The following DNAH6 variants were observed in gnomAD, a reference collection of about 807,000 sequenced individuals.
The protein encoded by DNAH6 is axonemal beta dynein heavy chain 6.
DNAH6 carries 340 observed loss-of-function variants against 491.4 expected under a neutral mutation model. The observed-to-expected ratio is 0.69, with a 90% CI of 0.63 to 0.76. The LOEUF is 0.76. DNAH6 is among the 30% of genes least tolerant of loss of function. DNAH6 has a pLI of 0.00. For missense variants in DNAH6, 4,443 were observed against 4,972.2 expected, an observed-to-expected ratio of 0.89 and a Z score of 3.20; for synonymous variants, 1,603 against 1,686.1, an observed-to-expected ratio of 0.95 and a Z score of 1.21.
chr2:84,641,876 C>T, intron 32 of DNAH6, 71 bp from the exon 33 acceptor site: 1 of 1,300,934 alleles, frequency 7.7e-7, no homozygotes, highest in Non-Finnish European at 1.1e-6. Flanking sequence ...TCTGCCCTCC[C>T]CACAGGTTTA....
At chr2:84,598,181 C>CTTTCTTTCTTTCTTT (rs1684860253) in intron 18 of DNAH6, among the ~76,000 whole-genome samples, 1 of 14,436 alleles carries the variant, frequency 6.9e-5, no homozygotes, top group Non-Finnish European at 1.9e-4. Context: ...CTTTCTTTCT[C>CTTTCTTTCTTTCTTT]TCTTTCTTTT....
chr2:84,553,055 A>T (rs1400303443), intron 10 of DNAH6, 21 bp downstream of exon 10: 10 of 1,398,916 alleles, frequency 7.1e-6, no homozygotes, highest in Non-Finnish European at 9.9e-6. Flanking sequence ...TTCATGTATT[A>T]TCCACATGCA....
chr2:84,806,066 T>G (rs1429362496), intron 71 of DNAH6, among the ~76,000 whole-genome samples: 1 of 152,222 alleles, frequency 6.6e-6, no homozygotes, highest in South Asian at 2.1e-4. Context: ...ATTATTCTAC[T>G]GTCTCTAGAC....
chr2:84,459,720 T>G, the DNAH6 span: 1 of 158,554 alleles, frequency 6.3e-6, no homozygotes. Context: ...GCCCATCTCC[T>G]TCCCCCTTCG....
intron 37 of DNAH6, among the ~76,000 whole-genome samples, chr2:84,665,442 C>G (rs1199745341): frequency 6.6e-6 from 1 of 152,122 alleles, no homozygotes; most frequent in African/African-American, 2.4e-5. Flanking sequence ...CACAGAAATA[C>G]AAACTACGAT....
chr2:84,573,864 T>C (rs80335348), intron 12 of DNAH6, among the ~76,000 whole-genome samples: 3,580 of 152,256 alleles, frequency 0.024, 58 homozygotes, highest in Middle Eastern at 0.092. Flanking sequence ...GTGCTAAGAG[T>C]ATATAGCCTG....
the DNAH6 span, among the ~76,000 whole-genome samples, chr2:84,499,186 A>C: frequency 0.84 from 127,514 of 151,926 alleles, 55,243 homozygotes; most frequent in East Asian, 0.99. Flanking sequence ...CCTCCCCACA[A>C]ACCCCCCACT....
At chr2:84,701,866 C>G (rs532955692) in intron 49 of DNAH6, among the ~76,000 whole-genome samples, 1 of 152,304 alleles carries the variant, frequency 6.6e-6, no homozygotes, top group Non-Finnish European at 1.5e-5. Flanking sequence ...CAGGCCCTCT[C>G]CATCATGACA....
intron 32 of DNAH6, among the ~76,000 whole-genome samples, chr2:84,641,260 C>A (rs1273482134): frequency 6.6e-6 from 1 of 152,202 alleles, no homozygotes; most frequent in Admixed American, 6.5e-5. Flanking sequence ...CATCCAGGAA[C>A]CCTCTGCCTG....
intron 64 of DNAH6, among the ~76,000 whole-genome samples, chr2:84,765,568 A>G (rs1675000461): frequency 6.6e-6 from 1 of 152,060 alleles, no homozygotes; most frequent in African/African-American, 2.4e-5. Context: ...TTTTAGGGGA[A>G]AAGACTAAAA....
At chr2:84,512,698 G>A (rs1675383193), upstream of DNAH6, among the ~76,000 whole-genome samples, 1 of 152,122 alleles carries the variant, frequency 6.6e-6, no homozygotes. Flanking sequence ...GTGAACATAT[G>A]TTTTAATTGT....
intron 15 of DNAH6, chr2:84,584,812 A>G (rs145204257): frequency 0.022 from 3,355 of 152,424 alleles, 52 homozygotes; most frequent in Middle Eastern, 0.1. Flanking sequence ...GTTTACCTGT[A>G]TAACAAACCT....
rs199861827 is a variant in DNAH6, at chr2:84,745,217, C to A, written c.10480C>A (p.Leu3494Ile). 872 of 1,522,868 alleles carry A rather than the reference C, an allele frequency of 5.7e-4. 1 individual carries two copies. Among genetic ancestry groups the A allele is most frequent in the Non-Finnish European group, 6.6e-4 (751 of 1,137,024 alleles). The allele number at this position is 1,522,868 out of a possible 1,614,324, so 94.3% of individuals were successfully genotyped here. A position where few individuals can be genotyped will look rare whatever the true frequency, so the allele number is the denominator to read the frequency against. ...TGCAGGATTGAGTTCTTTCCATAAG[C>A]TAATTCTTATTAAATGTTGTAAAGA... ...WSAGLSSFHK[L>I]ILIKCCKEEK... Residue 3494 changes from leucine to isoleucine, a missense_variant, in exon 63 of 77, where the codon CTA (leucine) becomes ATA (isoleucine). Physicochemically the swap from Leu to Ile is conservative, Grantham distance 5 (BLOSUM62 2). Transcript: ENST00000389394.
intron 71 of DNAH6, among the ~76,000 whole-genome samples, chr2:84,807,445 C>T (rs1480456857): frequency 6.6e-6 from 1 of 152,200 alleles, no homozygotes; most frequent in Admixed American, 6.5e-5. Context: ...CTACATTTTC[C>T]ATCCAGTTTG....
At chr2:84,516,058 G>A (rs928855280), upstream of DNAH6, among the ~76,000 whole-genome samples, 5 of 152,176 alleles carry the variant, frequency 3.3e-5, no homozygotes, top group African/African-American at 9.7e-5. Flanking sequence ...TCCTTGGAGA[G>A]TGGGACCTCA....
chr2:84,743,456 T>C (rs1672692666), intron 62 of DNAH6, among the ~76,000 whole-genome samples: 1 of 152,228 alleles, frequency 6.6e-6, no homozygotes, highest in African/African-American at 2.4e-5. Context: ...CTTCAGAAAC[T>C]TCCTAATTGC....
intron 29 of DNAH6, among the ~76,000 whole-genome samples, chr2:84,626,841 C>T (rs551105022): frequency 7.2e-5 from 11 of 152,244 alleles, no homozygotes; most frequent in African/African-American, 2.6e-4. Flanking sequence ...CTCCTGACCT[C>T]GTGATCCACC....
chr2:84,637,524 A>G, intron 31 of DNAH6, 147 bp downstream of exon 31: 1 of 986,260 alleles, frequency 1.0e-6, no homozygotes, highest in Non-Finnish European at 1.4e-6. Context: ...TATCACATGG[A>G]ATGTTAAGTT....
At chr2:84,759,604 A>G (rs1002355165) in intron 63 of DNAH6, among the ~76,000 whole-genome samples, 23 of 152,280 alleles carry the variant, frequency 1.5e-4, no homozygotes, top group African/African-American at 5.5e-4. Flanking sequence ...ACACTGAAGA[A>G]AGAAATTGTG....
Sources: allele counts gnomAD v4.1 joint callset (sites outside exome capture counted in the v4.1 genomes callset), GRCh38; gene constraint gnomAD v4.1.1; transcripts MANE v1.5; gene names NCBI Gene and HGNC (gene_info 2026-07-23, HGNC 2026-07-21).